Variants in LAMB4 observed in about 807,000 individuals in gnomAD.
The protein encoded by LAMB4 is laminin subunit beta 4, also known as laminin subunit beta-4.
In LAMB4, 196 loss-of-function variants were observed where a neutral mutation model predicts 199.2. The observed-to-expected ratio is 0.98, with a 90% confidence interval of 0.88 to 1.11. The LOEUF is 1.11. LAMB4 is among the 50% of genes least tolerant of loss of function. LAMB4 has a pLI of 0.00. For missense variants in LAMB4, 2,080 were observed against 2,171.2 expected (o/e 0.96, Z 0.83); for synonymous variants, 744 against 770.6 (o/e 0.97, Z 0.57).
At chr7:108,110,665 A>G (rs1436304730) in intron 4 of LAMB4, among the ~76,000 whole-genome samples, 4 of 152,178 alleles carry the variant, frequency 2.6e-5, no homozygotes, top group Non-Finnish European at 5.9e-5. Context: ...TGGCTTGGAC[A>G]GAGTGACATT....
At chr7:108,128,884 TAAAC>T (rs149189963) in intron 1 of LAMB4, among the ~76,000 whole-genome samples, 5,592 of 152,246 alleles carry the variant, frequency 0.037, 330 homozygotes, top group African/African-American at 0.12. Context: ...TTAGGAGTAA[TAAAC>T]AAAACATTTT....
intron 29 of LAMB4, among the ~76,000 whole-genome samples, chr7:108,040,230 A>G (rs1003734451): frequency 6.6e-6 from 1 of 152,184 alleles, no homozygotes. Flanking sequence ...TACAGGGAGA[A>G]CTACAAAACA....
At chr7:108,091,277 T>G (rs2037391764) in intron 14 of LAMB4, among the ~76,000 whole-genome samples, 1 of 152,112 alleles carries the variant, frequency 6.6e-6, no homozygotes, top group Non-Finnish European at 1.5e-5. Context: ...CTTTTATAGT[T>G]TATAGTATCA....
chr7:108,124,585 T>C (rs1434413918), intron 1 of LAMB4, among the ~76,000 whole-genome samples: 1 of 152,068 alleles, frequency 6.6e-6, no homozygotes, highest in African/African-American at 2.4e-5. Flanking sequence ...TACACTCTTA[T>C]AACCAGACTG....
chr7:108,033,677 G>C (rs940587460), intron 31 of LAMB4, among the ~76,000 whole-genome samples: 2 of 151,354 alleles, frequency 1.3e-5, no homozygotes, highest in Admixed American at 1.3e-4. Context: ...CCAAAGTGCT[G>C]GGATTACAGG....
intron 19 of LAMB4, among the ~76,000 whole-genome samples, chr7:108,066,802 C>T (rs909139776): frequency 7.2e-5 from 11 of 151,994 alleles, no homozygotes; most frequent in East Asian, 3.9e-4. Flanking sequence ...CAGTATGTTG[C>T]GAACAATTGG....
chr7:108,098,627 G>C, intron 10 of LAMB4, 45 bp from the exon 11 acceptor site: 2 of 1,501,804 alleles, frequency 1.3e-6, no homozygotes, highest in Non-Finnish European at 1.8e-6. Context: ...GCAAATTGTG[G>C]GAAGCCTGAA....
chr7:108,016,858 T>C, the LAMB4 span, among the ~76,000 whole-genome samples: 1 of 152,230 alleles, frequency 6.6e-6, no homozygotes, highest in Non-Finnish European at 1.5e-5. Context: ...ATTTTAGTTC[T>C]TGGTGCCATG....
At chr7:108,031,342 A>G (rs2035026776) in intron 31 of LAMB4, among the ~76,000 whole-genome samples, 1 of 115,360 alleles carries the variant, frequency 8.7e-6, no homozygotes, top group Admixed American at 7.9e-5. Context: ...AAAAAAAAAA[A>G]AAAAAGAAAA....
At chr7:108,050,188 T>G (rs1278757474) in intron 26 of LAMB4, among the ~76,000 whole-genome samples, 1 of 152,224 alleles carries the variant, frequency 6.6e-6, no homozygotes. Context: ...TTCACCCTGA[T>G]GCTGCGGTTT....
the LAMB4 span, among the ~76,000 whole-genome samples, chr7:108,014,451 T>C: frequency 6.9e-6 from 1 of 145,388 alleles, no homozygotes; most frequent in South Asian, 2.1e-4. Context: ...CTGTGTTGAG[T>C]TGAGAAAGTT....
chr7:108,074,060 G>A (rs2036617200), intron 17 of LAMB4, among the ~76,000 whole-genome samples: 1 of 152,102 alleles, frequency 6.6e-6, no homozygotes, highest in African/African-American at 2.4e-5. Context: ...AGAGCTCCAG[G>A]TGGGATCAGC....
chr7:108,068,325 G>C (rs1355503764), intron 18 of LAMB4, among the ~76,000 whole-genome samples, 166 bp from the exon 19 acceptor site: 1 of 152,184 alleles, frequency 6.6e-6, no homozygotes, highest in Non-Finnish European at 1.5e-5. Context: ...TGGGATTGTT[G>C]TATGGATAAA....
intron 26 of LAMB4, among the ~76,000 whole-genome samples, chr7:108,051,067 T>C (rs895918759): frequency 6.6e-6 from 1 of 152,192 alleles, no homozygotes; most frequent in African/African-American, 2.4e-5. Flanking sequence ...ACTGCAAATT[T>C]GAGAGGATTA....
At chr7:108,044,036 T>C in intron 28 of LAMB4, 140 bp from the exon 29 acceptor site, 4 of 614,582 alleles carry the variant, frequency 6.5e-6, no homozygotes, top group Non-Finnish European at 1.1e-5. Flanking sequence ...CATAGATTCA[T>C]TTGCAAGGAA....
rs375488901 is a variant in LAMB4 at position 108,049,498 on chromosome 7, A to G, written c.3950T>C (p.Ile1317Thr). ...SSENIKKYYH[I>T]SSSAEKKINE... is the part of the protein sequence containing the mutation. ...AATTTTCTTTTCAGCAGATGATGAT[A>G]TGTGATAATATTTCTTGATGTTTTC... is the stretch of plus-strand genomic sequence containing the variant. The change falls in exon 27 of 34, where the codon ATA (isoleucine) becomes ACA (threonine). Residue 1317 changes from isoleucine to threonine, a missense_variant. By Grantham distance (89) the Ile-to-Thr change is moderately conservative (BLOSUM62 -1). Transcript: ENST00000388781. 6.2e-7 allele frequency: 1 copy of G among 1,606,012 alleles called. No homozygotes were observed. The highest frequency in any genetic ancestry group is 8.5e-7 in the Non-Finnish European group (1 of 1,174,176).
intron 31 of LAMB4, among the ~76,000 whole-genome samples, chr7:108,031,331 CAAAAAAAA>C (rs60572529): frequency 1.2e-3 from 18 of 14,952 alleles, no homozygotes; most frequent in Non-Finnish European, 1.9e-3. Context: ...TCAACAATAA[CAAAAAAAA>C]AAAAAAAAGA....
chr7:108,112,033 T>C, intron 3 of LAMB4, 87 bp from the exon 4 acceptor site: 3 of 1,026,136 alleles, frequency 2.9e-6, no homozygotes, highest in Non-Finnish European at 4.1e-6. Context: ...ACATACTATA[T>C]TTGTCTTCCA....
At chr7:108,041,864 G>T (rs561192259) in intron 29 of LAMB4, among the ~76,000 whole-genome samples, 1 of 152,132 alleles carries the variant, frequency 6.6e-6, no homozygotes, top group South Asian at 2.1e-4. Context: ...TTACAAACCT[G>T]CACATGTACC....
Sources: allele counts gnomAD v4.1 joint callset (sites outside exome capture counted in the v4.1 genomes callset), GRCh38; gene constraint gnomAD v4.1.1; transcripts MANE v1.5; gene names NCBI Gene and HGNC (gene_info 2026-07-23, HGNC 2026-07-21).